Variants in CD8A observed in about 807,000 individuals in gnomAD.
CD8A encodes CD8 subunit alpha, also known as T-cell surface glycoprotein CD8 alpha chain.
CD8A carries 25 observed loss-of-function variants against 24.2 expected under a neutral mutation model. The ratio of observed to expected loss-of-function variants is 1.03; its 90% CI spans 0.75 to 1.44. The LOEUF (loss-of-function observed/expected upper bound fraction) is 1.44. CD8A is among the 40% of genes most tolerant of loss of function. The pLI is 0.00. For missense variants in CD8A, 360 were observed against 319.7 expected, an observed-to-expected ratio of 1.13 and a Z score of -0.96; for synonymous variants, 165 against 149.9, an observed-to-expected ratio of 1.10 and a Z score of -0.74.
chr2:86,803,298 A>T (rs35626322), intron 2 of CD8A, among the ~76,000 whole-genome samples: 42,517 of 152,112 alleles, frequency 0.28, 6,868 homozygotes, highest in African/African-American at 0.44. Context: ...TCACCACCTC[A>T]CCAAGGTATC....
At chr2:86,794,298 A>G (rs1249549720), upstream of CD8A, among the ~76,000 whole-genome samples, 1 of 152,250 alleles carries the variant, frequency 6.6e-6, no homozygotes, top group African/African-American at 2.4e-5. Context: ...TTTAATGTAG[A>G]TTAAAGACAT....
chr2:86,791,157 A>T (rs1464693766), upstream of CD8A: 1 of 571,252 alleles, frequency 1.8e-6, no homozygotes, highest in Non-Finnish European at 3.2e-6. Flanking sequence ...TTGTCTTGTG[A>T]GAGTGACAGA....
intron 3 of CD8A, among the ~76,000 whole-genome samples, chr2:86,800,469 A>G (rs1458777775): frequency 6.6e-6 from 1 of 152,198 alleles, no homozygotes; most frequent in Non-Finnish European, 1.5e-5. Context: ...GAAAGAAAAA[A>G]AAAGATAAAA....
At chr2:86,791,049 T>C (rs1476594509), upstream of CD8A, 7 of 704,696 alleles carry the variant, frequency 9.9e-6, no homozygotes, top group South Asian at 1.0e-4. Context: ...GGCCCGTGAA[T>C]AGGGCCGTCG....
At chr2:86,800,791 C>A (rs762533748) in intron 3 of CD8A, among the ~76,000 whole-genome samples, 5 of 152,132 alleles carry the variant, frequency 3.3e-5, no homozygotes, top group Non-Finnish European at 7.4e-5. Context: ...TGAATTGTGT[C>A]CCCCCAAGTA....
chr2:86,791,417 C>T, upstream of CD8A: 1 of 427,964 alleles, frequency 2.3e-6, no homozygotes, highest in Non-Finnish European at 4.7e-6. Flanking sequence ...CAGGAGATTT[C>T]CATGAGAGCG....
upstream of CD8A, among the ~76,000 whole-genome samples, chr2:86,792,920 A>T (rs1367435129): frequency 6.6e-6 from 1 of 151,996 alleles, no homozygotes; most frequent in Non-Finnish European, 1.5e-5. Context: ...AGAAATTTTT[A>T]AAAATGTCTT....
intron 5 of CD8A, 21 bp downstream of exon 5, chr2:86,788,509 C>T (rs748547810): frequency 4.7e-6 from 6 of 1,282,078 alleles, no homozygotes; most frequent in Non-Finnish European, 2.1e-6. Context: ...GGTGAGCAGG[C>T]TGAGTTCAAA....
chr2:86,792,851 G>C (rs1284443071), upstream of CD8A, among the ~76,000 whole-genome samples: 1 of 149,762 alleles, frequency 6.7e-6, no homozygotes, highest in Non-Finnish European at 1.5e-5. Flanking sequence ...CCTCCTTCCA[G>C]CTCCCTCAAA....
intron 3 of CD8A, among the ~76,000 whole-genome samples, chr2:86,800,958 A>G (rs2104458659): frequency 6.6e-6 from 1 of 152,318 alleles, no homozygotes; most frequent in Non-Finnish European, 1.5e-5. Flanking sequence ...GGACACACAC[A>G]CAGAGAACAT....
At position 86,785,251 on chromosome 2, in the gene CD8A, G is replaced by A; in HGVS notation, c.*669C>T. 2.2e-6 allele frequency: 1 copy of A among 453,000 alleles called. No individual in the cohort carries two copies. Among genetic ancestry groups the A allele is most frequent in the Non-Finnish European group, 4.4e-6 (1 of 226,656 alleles). The allele number at this position is 453,000 out of a possible 1,614,324, so 28.1% of individuals were successfully genotyped here. Reference sequence around the variant, plus strand: ...AGCTCACCACTTCATTTTATTTTAGGTCTATACAATTTTAGGCTTGATTAT... The same window carrying A: ...AGCTCACCACTTCATTTTATTTTAGATCTATACAATTTTAGGCTTGATTAT... On this transcript the variant is annotated 3_prime_UTR_variant, in exon 6 of 6. Transcript: ENST00000283635.
At position 86,785,530 on chromosome 2, in the gene CD8A, C is replaced by G; in HGVS notation, c.*390G>C. 1 of 472,104 alleles carries G rather than the reference C, an allele frequency of 2.1e-6. No individual in the cohort carries two copies. Among genetic ancestry groups the G allele is most frequent in the South Asian group, 1.5e-5 (1 of 64,628 alleles). 29.2% of individuals were successfully genotyped at this position (472,104 alleles called of 1,614,324 possible). On this transcript the variant is annotated 3_prime_UTR_variant, in exon 6 of 6. Transcript: ENST00000283635. Reference sequence around the variant, plus strand: ...CAGCTACTGCTCCAACCCTGACTTGCTGTGTGCCTTTGATCAAGCTGTCTC... The same window carrying G: ...CAGCTACTGCTCCAACCCTGACTTGGTGTGTGCCTTTGATCAAGCTGTCTC...
chr2:86,786,862 T>C (rs1336747249), intron 5 of CD8A, among the ~76,000 whole-genome samples: 1 of 150,918 alleles, frequency 6.6e-6, no homozygotes, highest in Non-Finnish European at 1.5e-5. Flanking sequence ...CTACTAAAAA[T>C]ACAAAAAATT....
intron 2 of CD8A, among the ~76,000 whole-genome samples, chr2:86,805,155 G>T (rs1178259773): frequency 6.6e-6 from 1 of 151,896 alleles, no homozygotes; most frequent in Non-Finnish European, 1.5e-5. Flanking sequence ...ATACTTTGGG[G>T]TGATACAAGA....
chr2:86,806,142 C>T (rs1234533308), intron 2 of CD8A, among the ~76,000 whole-genome samples: 1 of 152,194 alleles, frequency 6.6e-6, no homozygotes, highest in African/African-American at 2.4e-5. Flanking sequence ...AAACTTTTCA[C>T]TCCCACGTTA....
At chr2:86,791,211 G>C (rs1246544405), upstream of CD8A, 3 of 442,682 alleles carry the variant, frequency 6.8e-6, no homozygotes, top group African/African-American at 2.0e-5. Context: ...GAGGGCGAGA[G>C]TAGGCAGCAA....
At chr2:86,806,144 C>A (rs1370022310) in intron 2 of CD8A, among the ~76,000 whole-genome samples, 1 of 152,194 alleles carries the variant, frequency 6.6e-6, no homozygotes, top group Middle Eastern at 3.2e-3. Flanking sequence ...ACTTTTCACT[C>A]CCACGTTATG....
Position 86,789,728 on chromosome 2 carries a change from C to T in CD8A, c.426G>A (p.Ala142=), listed in dbSNP as rs1339384173. Residue 142 remains alanine (A), a synonymous_variant, in exon 3 of 6, where the codon GCG becomes GCA. Transcript: ENST00000283635. ...FLPAKPTTTP[A]PRPPTPAPTI... The stretch of plus-strand genomic sequence containing the variant: ...TGGGCGCCGGTGTTGGTGGTCGCGG[C>T]GCTGGCGTCGTGGTGGGCTTCGCTG... 6 of 1,368,696 alleles carry T rather than the reference C, an allele frequency of 4.4e-6. No homozygotes were observed. The highest frequency in any genetic ancestry group is 3.4e-5 in the Admixed American group (1 of 29,280). The allele number at this position is 1,368,696 out of a possible 1,614,324, so 84.8% of individuals were successfully genotyped here. A position where few individuals can be genotyped will look rare whatever the true frequency, so the allele number is the denominator to read the frequency against.
Position 86,790,635 on chromosome 2 carries a change from G to A in CD8A, c.96C>T (p.Thr32=), listed in dbSNP as rs748672967. ...SQFRVSPLDR[T]WNLGETVELK... is the part of the protein sequence containing the mutation. ...GCTCCACTGTCTCGCCCAGGTTCCA[G>A]GTCCGATCCAGCGGCGACACCCGGA... Residue 32 remains threonine (T), a synonymous_variant, in exon 2 of 6, where the codon ACC becomes ACT. Coordinates refer to ENST00000283635, the MANE Select transcript of CD8A (RefSeq NM_001768.7). 21 of 1,604,160 alleles carry A rather than the reference G, an allele frequency of 1.3e-5. No homozygotes were observed. The South Asian group carries it at 2.3e-4, about 18-fold the overall frequency.
Sources: allele counts gnomAD v4.1 joint callset (sites outside exome capture counted in the v4.1 genomes callset), GRCh38; gene constraint gnomAD v4.1.1; transcripts MANE v1.5; gene names NCBI Gene and HGNC (gene_info 2026-07-23, HGNC 2026-07-21).